The following CCM2 variants were observed in gnomAD, a reference collection of about 807,000 sequenced individuals.
The protein encoded by CCM2 is CCM2 scaffold protein, also known as cerebral cavernous malformations 2 protein.
CCM2 carries 25 observed loss-of-function variants against 44.9 expected under a neutral mutation model. The ratio of observed to expected loss-of-function variants is 0.56; its 90% CI spans 0.41 to 0.78. The LOEUF is 0.78. CCM2 is among the 30% of genes least tolerant of loss of function. CCM2 has a pLI of 0.00. For missense variants in CCM2, 481 were observed against 580.6 expected (o/e 0.83, Z 1.76); for synonymous variants, 219 against 241.1 (o/e 0.91, Z 0.85).
chr7:45,014,074 A>G lies in CCM2; in HGVS notation c.30+13711A>G, dbSNP rs184982100. Among the ~76,000 whole-genome samples the G allele has an allele frequency of 9.1e-4, 138 of 152,262 alleles. 2 individuals carry two copies. Among genetic ancestry groups the G allele is most frequent in the African/African-American group, 3.2e-3 (134 of 41,564 alleles). On this transcript the variant is annotated intron_variant, in intron 1 of 9. Transcript: ENST00000258781. ...TTTATTTTGAAGCTCAAATTGTCCC[A>G]AACTCAGCCAGTGGGAAGCACTTTA... is the stretch of plus-strand genomic sequence containing the variant.
intron 1 of CCM2, among the ~76,000 whole-genome samples, chr7:45,014,975 G>A (rs1796208915): frequency 6.6e-6 from 1 of 152,136 alleles, no homozygotes; most frequent in Non-Finnish European, 1.5e-5. Flanking sequence ...TATTCATGTT[G>A]TGCATCTGGC....
intron 2 of CCM2, among the ~76,000 whole-genome samples, chr7:45,047,078 A>C (rs1002915891): frequency 5.3e-5 from 8 of 152,208 alleles, no homozygotes; most frequent in African/African-American, 1.9e-4. Context: ...GATGCTGGAG[A>C]AGATGTGGAG....
rs117057491 is a variant in CCM2 at position 45,014,872 on chromosome 7, T to C, written c.30+14509T>C. Among the ~76,000 whole-genome samples the C allele has an allele frequency of 3.7e-3, 565 of 152,258 alleles. 11 individuals carry two copies. Among genetic ancestry groups the C allele is most frequent in the East Asian group, 0.029 (149 of 5,180 alleles). On this transcript the variant is annotated intron_variant, in intron 1 of 9. Transcript: ENST00000258781. ...CCTGACATCGGCTGATCGGCCCACCTCAGCCTCCCAAAGTGCTGGAATTTC... is the reference window on the plus strand; with the variant it reads ...CCTGACATCGGCTGATCGGCCCACCCCAGCCTCCCAAAGTGCTGGAATTTC...
intron 2 of CCM2, among the ~76,000 whole-genome samples, chr7:45,052,975 G>A (rs771531608): frequency 3.2e-4 from 48 of 152,194 alleles, no homozygotes; most frequent in Non-Finnish European, 6.0e-4. Flanking sequence ...AAGTATGTCC[G>A]TTCCTCTTGT....
chr7:45,018,764 C>CTT (rs531985553), intron 1 of CCM2, among the ~76,000 whole-genome samples: 3 of 139,844 alleles, frequency 2.1e-5, no homozygotes, highest in Non-Finnish European at 3.1e-5. Flanking sequence ...TTAAGAATTT[C>CTT]TTTTTTTTTT....
intron 1 of CCM2, among the ~76,000 whole-genome samples, chr7:45,025,409 G>A (rs953032555): frequency 6.6e-6 from 1 of 151,276 alleles, no homozygotes; most frequent in African/African-American, 2.5e-5. Flanking sequence ...CAACCCCGCA[G>A]TTCTCCTTCA....
chr7:45,072,874 T>C, intron 7 of CCM2, 91 bp downstream of exon 7: 7 of 1,083,652 alleles, frequency 6.5e-6, no homozygotes, highest in Non-Finnish European at 9.9e-6. Context: ...AGCTCCCCCA[T>C]CTCAGCTCAC....
At chr7:45,025,628 G>T (rs1005780442) in intron 1 of CCM2, among the ~76,000 whole-genome samples, 3 of 151,826 alleles carry the variant, frequency 2.0e-5, no homozygotes, top group Admixed American at 6.6e-5. Flanking sequence ...CCGCCTCCTG[G>T]GTTCAAGTGA....
chr7:45,056,621 G>A (rs760290572), intron 2 of CCM2, among the ~76,000 whole-genome samples: 1 of 150,718 alleles, frequency 6.6e-6, no homozygotes, highest in Non-Finnish European at 1.5e-5. Flanking sequence ...TTGGCCATCT[G>A]TGTATCTTTA....
intron 6 of CCM2, 189 bp from the exon 7 acceptor site, chr7:45,072,537 C>T (rs1268944917): frequency 1.2e-5 from 8 of 669,622 alleles, no homozygotes; most frequent in African/African-American, 7.1e-5. Context: ...TATGTGGGCT[C>T]AAGTCTGGGA....
At chr7:45,029,508 A>G (rs1796858885) in intron 1 of CCM2, 1 of 152,220 alleles carries the variant, frequency 6.6e-6, no homozygotes, top group Non-Finnish European at 1.5e-5. Flanking sequence ...TGCAGCTAGA[A>G]GGTATAGCCA....
intron 1 of CCM2, among the ~76,000 whole-genome samples, chr7:45,026,681 G>C (rs1796704631): frequency 6.9e-6 from 1 of 145,802 alleles, no homozygotes; most frequent in Admixed American, 7.0e-5. Context: ...TTTCTTACTG[G>C]AACCTCTGCC....
rs748232087 is a variant in CCM2 at position 45,068,488 on chromosome 7, G to A, written c.518G>A (p.Ser173Asn). The A allele has an allele frequency of 6.2e-7, 1 of 1,614,222 alleles. No homozygotes were observed. The highest frequency in any genetic ancestry group is 8.5e-7 in the Non-Finnish European group (1 of 1,180,046). Residue 173 changes from serine to asparagine, a missense_variant, in exon 5 of 10, where the codon AGT (serine) becomes AAT (asparagine). Coordinates refer to ENST00000258781, the MANE Select transcript of CCM2 (RefSeq NM_031443.4). ...ISPSQSLCAE[S>N]SRGLSAGSLS... Reference sequence around the variant, plus strand: ...CCCAGCCAGAGTCTGTGTGCGGAAAGTTCCAGAGGCCTCAGTGCAGGCTCC... The same window carrying A: ...CCCAGCCAGAGTCTGTGTGCGGAAAATTCCAGAGGCCTCAGTGCAGGCTCC...
intron 1 of CCM2, among the ~76,000 whole-genome samples, chr7:45,035,919 A>G (rs780895517): frequency 2.0e-5 from 3 of 152,112 alleles, no homozygotes; most frequent in Non-Finnish European, 2.9e-5. Context: ...ACTGGTATAT[A>G]TTTTGCTTGT....
intron 7 of CCM2, 123 bp from the exon 8 acceptor site, chr7:45,073,337 T>TCAC (rs1799175919): frequency 1.4e-6 from 1 of 702,262 alleles, no homozygotes; most frequent in Non-Finnish European, 2.6e-6. Flanking sequence ...ATCATCATCA[T>TCAC]CACTTACATT....
intron 2 of CCM2, among the ~76,000 whole-genome samples, chr7:45,061,832 TGAG>T (rs959923940): frequency 6.6e-6 from 1 of 152,128 alleles, no homozygotes; most frequent in African/African-American, 2.4e-5. Context: ...TACCAGAGTA[TGAG>T]GAGATGTTTC....
At chr7:45,040,106 A>T (rs952600097) in intron 2 of CCM2, among the ~76,000 whole-genome samples, 1 of 150,800 alleles carries the variant, frequency 6.6e-6, no homozygotes, top group East Asian at 2.0e-4. Context: ...ATAAAAGTAA[A>T]AAAAAAGGCC....
At position 45,063,985 on chromosome 7, in the gene CCM2, T is replaced by C. The variant is rs1371164386; in HGVS notation, c.272T>C (p.Phe91Ser). Residue 91 changes from phenylalanine (F) to serine (S), a missense_variant, in exon 3 of 10, where the codon TTC (phenylalanine) becomes TCC (serine). Physicochemically the swap from Phe to Ser is radical, Grantham distance 155. Coordinates refer to ENST00000258781, the MANE Select transcript of CCM2 (RefSeq NM_031443.4). ...TCCAGTAGGACTGAAATCCTGCATTTCATAGACAATGCAAAGGTAACCCTA... is the reference window on the plus strand; with the variant it reads ...TCCAGTAGGACTGAAATCCTGCATTCCATAGACAATGCAAAGGTAACCCTA... ...NPSSRTEILH[F>S]IDNAKRAHQL... 1 of 1,610,774 alleles carries C rather than the reference T, an allele frequency of 6.2e-7. No homozygotes were observed.
At chr7:45,069,704 C>G in intron 5 of CCM2, 122 bp from the exon 6 acceptor site, 1 of 1,269,102 alleles carries the variant, frequency 7.9e-7, no homozygotes, top group Non-Finnish European at 1.1e-6. Context: ...GGGACACATT[C>G]TGGTATCCAC....
Sources: gnomAD v4.1 joint callset for allele counts (sites outside exome capture counted in the v4.1 genomes callset) on GRCh38, gnomAD v4.1.1 for gene constraint, MANE v1.5 for transcripts, NCBI Gene and HGNC (gene_info 2026-07-23, HGNC 2026-07-21) for gene names.